The following JMJD1C variants were observed in gnomAD, a reference collection of about 807,000 sequenced individuals.
JMJD1C encodes jumonji domain-containing protein 1C.
JMJD1C carries 31 observed loss-of-function variants against 245.3 expected under a neutral mutation model. The ratio of observed to expected loss-of-function variants is 0.13; its 90% CI spans 0.09 to 0.17. The LOEUF is 0.17. Ranked by LOEUF, JMJD1C falls within the 10% of genes least tolerant of loss-of-function variation. The probability of loss-of-function intolerance (pLI) is 1.00; values close to 1 mark genes in which losing one functional copy is unlikely to be tolerated. For synonymous variants in JMJD1C, 1,057 were observed against 1,017.4 expected, an observed-to-expected ratio of 1.04 and a Z score of -0.74; for missense variants, 2,691 against 3,000.2, an observed-to-expected ratio of 0.90 and a Z score of 2.41.
chr10:63,345,020 C>T (rs1943687180), intron 2 of JMJD1C, among the ~76,000 whole-genome samples: 1 of 152,080 alleles, frequency 6.6e-6, no homozygotes, highest in Admixed American at 6.6e-5. Flanking sequence ...CAGCAATACC[C>T]CTCCTAGATA....
In JMJD1C at chr10:63,232,834, G is replaced by A. The variant is rs144525798; in HGVS notation, c.448-12851C>T. On this transcript the variant is annotated intron_variant, in intron 3 of 25. Transcript: ENST00000399262. ...TTTTCAAATTAAAATATGATTACAT[G>A]AAATAACATTCCTGTGTCATTTTCA... 3.2e-3 allele frequency among the ~76,000 whole-genome samples: 489 copies of A among 152,228 alleles called. 2 individuals are homozygous for A. The highest frequency in any genetic ancestry group is 0.011 in the African/African-American group (474 of 41,552).
In JMJD1C at chr10:63,217,327, A is replaced by G; in HGVS notation, c.558T>C (p.Pro186=). The G allele has an allele frequency of 6.4e-7, 1 of 1,571,012 alleles. No individual in the cohort carries two copies. The highest frequency in any genetic ancestry group is 8.6e-7 in the Non-Finnish European group (1 of 1,163,326). Residue 186 remains proline (P), a synonymous_variant, in exon 5 of 26, where the codon CCT becomes CCC. Transcript: ENST00000399262. ...QKVQEIFMQG[P]YSLNGYRVRV... ...TCACTCTGTATCCATTTAAGGAATA[A>G]GGACCTTAAAAAAAACACAAGAAAC...
intron 2 of JMJD1C, among the ~76,000 whole-genome samples, chr10:63,307,506 T>G (rs1036847411): frequency 6.6e-6 from 1 of 152,000 alleles, no homozygotes. Flanking sequence ...GCAAAGTGGG[T>G]AGAAACAGAA....
intron 1 of JMJD1C, among the ~76,000 whole-genome samples, chr10:63,464,838 T>C (rs1017268061): frequency 6.6e-6 from 1 of 152,118 alleles, no homozygotes; most frequent in Non-Finnish European, 1.5e-5. Flanking sequence ...AAAAGCACAT[T>C]GGGGACAGAA....
intron 2 of JMJD1C, among the ~76,000 whole-genome samples, chr10:63,286,448 A>G (rs944318684): frequency 6.6e-6 from 1 of 152,206 alleles, no homozygotes; most frequent in South Asian, 2.1e-4. Context: ...TAGAGTGAAT[A>G]TATCTCAGAG....
Position 63,399,689 on chromosome 10 carries a change from T to A in JMJD1C, c.169-19207A>T, listed in dbSNP as rs1008837397. Among the ~76,000 whole-genome samples the A allele has an allele frequency of 1.3e-4, 20 of 152,214 alleles. 1 individual carries two copies. Among genetic ancestry groups the A allele is most frequent in the African/African-American group, 4.8e-4 (20 of 41,546 alleles). On this transcript the variant is annotated intron_variant, in intron 1 of 25. Coordinates refer to ENST00000399262, the MANE Select transcript of JMJD1C (RefSeq NM_032776.3). ...TAACCCCCAGGCATATATAATTAAA[T>A]CACTATGTTAAAAACTCTTAAAATA...
intron 1 of JMJD1C, among the ~76,000 whole-genome samples, chr10:63,428,435 T>C (rs1001162843): frequency 1.3e-5 from 2 of 152,356 alleles, no homozygotes; most frequent in African/African-American, 4.8e-5. Context: ...CTACTTGAAA[T>C]GTCAGAACAG....
chr10:63,377,212 G>A (rs1033170973), intron 2 of JMJD1C, among the ~76,000 whole-genome samples: 6 of 152,166 alleles, frequency 3.9e-5, no homozygotes, highest in Non-Finnish European at 7.3e-5. Context: ...GAGATACTCA[G>A]AGACCGAAAG....
At chr10:63,325,968 T>C (rs1256078556) in intron 2 of JMJD1C, among the ~76,000 whole-genome samples, 1 of 152,220 alleles carries the variant, frequency 6.6e-6, no homozygotes, top group Non-Finnish European at 1.5e-5. Flanking sequence ...CAGTTGTTTT[T>C]GAATTATAAA....
At chr10:63,500,292 G>C (rs968650935) in intron 1 of JMJD1C, among the ~76,000 whole-genome samples, 1 of 152,170 alleles carries the variant, frequency 6.6e-6, no homozygotes, top group East Asian at 1.9e-4. Context: ...GTGTGGTTGT[G>C]CACACTTGTA....
intron 4 of JMJD1C, among the ~76,000 whole-genome samples, chr10:63,218,782 T>TG: frequency 6.6e-6 from 1 of 152,272 alleles, no homozygotes; most frequent in East Asian, 1.9e-4. Flanking sequence ...AGAGCAACAA[T>TG]GGGGATGTAC....
intron 1 of JMJD1C, among the ~76,000 whole-genome samples, chr10:63,390,378 T>C (rs539728851): frequency 1.3e-5 from 2 of 152,138 alleles, no homozygotes; most frequent in South Asian, 4.2e-4. Flanking sequence ...GAGGTAAAAT[T>C]AGTAGTAAAA....
chr10:63,480,925 C>A (rs533175101), intron 1 of JMJD1C, among the ~76,000 whole-genome samples: 21 of 152,166 alleles, frequency 1.4e-4, no homozygotes, highest in Non-Finnish European at 2.9e-4. Context: ...ATTTTCATCG[C>A]CTACCATATA....
intron 1 of JMJD1C, among the ~76,000 whole-genome samples, chr10:63,453,431 ACT>A (rs1952197454): frequency 6.6e-6 from 1 of 152,214 alleles, no homozygotes. Context: ...TCATTAAAAC[ACT>A]CTGATCTTGC....
intron 1 of JMJD1C, among the ~76,000 whole-genome samples, chr10:63,489,126 G>A (rs544933255): frequency 3.3e-5 from 5 of 152,268 alleles, no homozygotes; most frequent in African/African-American, 9.6e-5. Context: ...GAGGCCGGGC[G>A]CAGTGGCTCA....
At chr10:63,496,778 A>AT (rs1396283749) in intron 1 of JMJD1C, among the ~76,000 whole-genome samples, 2 of 152,246 alleles carry the variant, frequency 1.3e-5, no homozygotes, top group African/African-American at 4.8e-5. Context: ...AGGTTTGGTC[A>AT]TATCACTTGC....
At chr10:63,357,822 G>GACACACACAC (rs1344672220) in intron 2 of JMJD1C, among the ~76,000 whole-genome samples, 1 of 70,756 alleles carries the variant, frequency 1.4e-5, no homozygotes, top group East Asian at 5.1e-4. Flanking sequence ...GACACAGACA[G>GACACACACAC]ACAGACACAC....
intron 1 of JMJD1C, among the ~76,000 whole-genome samples, chr10:63,391,055 G>A (rs1948013849): frequency 6.6e-6 from 1 of 152,158 alleles, no homozygotes; most frequent in South Asian, 2.1e-4. Flanking sequence ...AAGTCAATGT[G>A]TCCCTCTTTG....
At chr10:63,385,883 A>C (rs922096496) in intron 1 of JMJD1C, among the ~76,000 whole-genome samples, 1 of 152,074 alleles carries the variant, frequency 6.6e-6, no homozygotes, top group Non-Finnish European at 1.5e-5. Flanking sequence ...ACAGTATTTT[A>C]AGACAATAAA....
Sources: allele counts gnomAD v4.1 joint callset (sites outside exome capture counted in the v4.1 genomes callset), GRCh38; gene constraint gnomAD v4.1.1; transcripts MANE v1.5; gene names NCBI Gene and HGNC (gene_info 2026-07-23, HGNC 2026-07-21).